Variants in IMMP2L observed in about 807,000 individuals in gnomAD.
IMMP2L encodes the protein inner mitochondrial membrane peptidase subunit 2, also known as mitochondrial inner membrane protease subunit 2.
IMMP2L carries 18 observed loss-of-function variants against 19.3 expected under a neutral mutation model. That is an observed-to-expected ratio of 0.93 (90% CI 0.64 to 1.38). The LOEUF (loss-of-function observed/expected upper bound fraction) is 1.38. Ranked by LOEUF, IMMP2L falls within the 40% of genes most tolerant of loss-of-function variation. IMMP2L has a pLI of 0.00. For synonymous variants in IMMP2L, 76 were observed against 73.0 expected (o/e 1.04, Z -0.21); for missense variants, 233 against 218.2 (o/e 1.07, Z -0.43).
At chr7:111,203,651 C>T (rs1320020116) in intron 3 of IMMP2L, among the ~76,000 whole-genome samples, 1 of 145,596 alleles carries the variant, frequency 6.9e-6, no homozygotes, top group African/African-American at 2.5e-5. Context: ...TGTTCTGCTT[C>T]TATCACCATC....
chr7:111,115,759 C>T (rs1262723111), intron 3 of IMMP2L, among the ~76,000 whole-genome samples: 2 of 152,182 alleles, frequency 1.3e-5, no homozygotes, highest in East Asian at 3.9e-4. Context: ...CCACCGCCTC[C>T]CAGGTTCCAG....
At chr7:111,190,139 C>A (rs1460731509) in intron 3 of IMMP2L, among the ~76,000 whole-genome samples, 1 of 152,034 alleles carries the variant, frequency 6.6e-6, no homozygotes, top group African/African-American at 2.4e-5. Context: ...AATGTCTCAC[C>A]AATAGCTAAA....
intron 4 of IMMP2L, among the ~76,000 whole-genome samples, chr7:110,900,356 CA>C (rs985858646): frequency 6.6e-6 from 1 of 151,646 alleles, no homozygotes. Flanking sequence ...GCAAAAAAGG[CA>C]AAAAAAATCC....
chr7:110,673,573 T>C (rs1792073260), intron 5 of IMMP2L, among the ~76,000 whole-genome samples: 1 of 152,180 alleles, frequency 6.6e-6, no homozygotes, highest in Non-Finnish European at 1.5e-5. Context: ...CTCTGTTACC[T>C]CTTGAATGCT....
intron 1 of IMMP2L, among the ~76,000 whole-genome samples, chr7:111,522,352 A>G (rs1422234152): frequency 1.3e-5 from 2 of 152,126 alleles, no homozygotes; most frequent in Non-Finnish European, 1.5e-5. Context: ...GCAGCAAACA[A>G]TCAACGTAAT....
chr7:110,736,381 T>C (rs1027324861), intron 5 of IMMP2L, among the ~76,000 whole-genome samples: 16 of 152,170 alleles, frequency 1.1e-4, no homozygotes, highest in Admixed American at 4.6e-4. Context: ...GAACTTCCAC[T>C]AGGGCAAATA....
intron 5 of IMMP2L, among the ~76,000 whole-genome samples, chr7:110,670,286 T>C (rs904563888): frequency 6.6e-6 from 1 of 152,206 alleles, no homozygotes; most frequent in Non-Finnish European, 1.5e-5. Flanking sequence ...ACCCTTGATC[T>C]TGGACTTCTA....
chr7:111,405,435 C>A (rs1287836725), intron 3 of IMMP2L, among the ~76,000 whole-genome samples: 1 of 151,958 alleles, frequency 6.6e-6, no homozygotes, highest in African/African-American at 2.4e-5. Context: ...ATTATTAGAA[C>A]TTCACACTCA....
At chr7:111,055,778 G>T (rs963655437) in intron 3 of IMMP2L, among the ~76,000 whole-genome samples, 9 of 152,172 alleles carry the variant, frequency 5.9e-5, no homozygotes, top group South Asian at 2.1e-4. Flanking sequence ...AGAATTACTT[G>T]TAAGCCTATA....
At chr7:111,110,079 A>T (rs1586331025) in intron 3 of IMMP2L, among the ~76,000 whole-genome samples, 1 of 152,224 alleles carries the variant, frequency 6.6e-6, no homozygotes, top group East Asian at 1.9e-4. Context: ...AGGTTGCAGT[A>T]AGCTGAGATC....
At chr7:111,471,610 G>T (rs937265076) in intron 3 of IMMP2L, among the ~76,000 whole-genome samples, 6 of 151,884 alleles carry the variant, frequency 4.0e-5, no homozygotes, top group Non-Finnish European at 8.8e-5. Context: ...AAATATTTTA[G>T]ATCTATTGGG....
chr7:110,802,133 A>G (rs1184321397), intron 5 of IMMP2L, among the ~76,000 whole-genome samples: 1 of 152,116 alleles, frequency 6.6e-6, no homozygotes, highest in Non-Finnish European at 1.5e-5. Flanking sequence ...GATCTTGGTC[A>G]TCTTTGAATA....
At chr7:111,126,907 A>G (rs1469212506) in intron 3 of IMMP2L, among the ~76,000 whole-genome samples, 1 of 152,150 alleles carries the variant, frequency 6.6e-6, no homozygotes, top group Non-Finnish European at 1.5e-5. Context: ...TCAACATCTC[A>G]CTGGCCTATA....
intron 5 of IMMP2L, among the ~76,000 whole-genome samples, chr7:110,791,892 C>A (rs1326204899): frequency 6.6e-6 from 1 of 151,810 alleles, no homozygotes; most frequent in Non-Finnish European, 1.5e-5. Flanking sequence ...CTGGAAAGGG[C>A]AAATGATGAG....
Position 111,521,242 on chromosome 7 carries a change from G to A in IMMP2L, c.135+71C>T, listed in dbSNP as rs182935885. On this transcript the variant is annotated intron_variant, in intron 2 of 5. Coordinates refer to ENST00000405709, the MANE Select transcript of IMMP2L (RefSeq NM_032549.4). ...GTTCCCAGAATAGGAATAATAATTA[G>A]CACTCTCATTTCTAGTGCTTGAAAA... 3.0e-5 allele frequency: 43 copies of A among 1,432,078 alleles called. No individual in the cohort carries two copies. In the East Asian group the frequency reaches 9.6e-4, roughly 32 times the overall value. The allele number at this position is 1,432,078 out of a possible 1,614,324, so 88.7% of individuals were successfully genotyped here.
intron 5 of IMMP2L, among the ~76,000 whole-genome samples, chr7:110,801,155 T>C (rs1801212167): frequency 6.6e-6 from 1 of 152,110 alleles, no homozygotes; most frequent in Non-Finnish European, 1.5e-5. Flanking sequence ...TACACCTCAG[T>C]TTCCACCAGC....
intron 3 of IMMP2L, among the ~76,000 whole-genome samples, chr7:111,140,545 T>G (rs978345707): frequency 2.0e-5 from 3 of 152,190 alleles, no homozygotes; most frequent in East Asian, 1.9e-4. Flanking sequence ...TTGAATAAAC[T>G]TTGTAAAAAC....
intron 5 of IMMP2L, among the ~76,000 whole-genome samples, chr7:110,880,741 T>C (rs1396308909): frequency 1.3e-5 from 2 of 152,132 alleles, no homozygotes; most frequent in Non-Finnish European, 2.9e-5. Context: ...CCCCTGCATA[T>C]GTTTCACTAA....
intron 5 of IMMP2L, among the ~76,000 whole-genome samples, chr7:110,778,366 T>TTAG (rs906188353): frequency 4.6e-5 from 7 of 151,938 alleles, no homozygotes; most frequent in African/African-American, 1.7e-4. Context: ...GAACATGTAT[T>TTAG]TAGCATCTAT....
Sources: gnomAD v4.1 joint callset for allele counts (sites outside exome capture counted in the v4.1 genomes callset) on GRCh38, gnomAD v4.1.1 for gene constraint, MANE v1.5 for transcripts, NCBI Gene and HGNC (gene_info 2026-07-23, HGNC 2026-07-21) for gene names.